Variants in ARMC3 observed in about 807,000 individuals in gnomAD.
ARMC3 encodes the protein armadillo repeat containing 3.
Under a neutral mutation model 90.3 loss-of-function variants are expected in ARMC3, and 74 were observed. The ratio of observed to expected loss-of-function variants is 0.82; its 90% CI spans 0.68 to 0.99. The LOEUF (loss-of-function observed/expected upper bound fraction) is 0.99. Ranked by LOEUF, ARMC3 falls within the 50% of genes least tolerant of loss-of-function variation. The pLI is 0.00. For synonymous variants in ARMC3, 334 were observed against 361.8 expected (o/e 0.92, Z 0.87); for missense variants, 958 against 1,042.8 (o/e 0.92, Z 1.12).
rs184336208 is a variant in ARMC3 at position 23,005,200 on chromosome 10, T to A, written c.1732-1684T>A. 2.4e-4 allele frequency among the ~76,000 whole-genome samples: 27 copies of A among 112,830 alleles called. No homozygotes were observed. The Admixed American group carries it at 2.9e-3, about 12-fold the overall frequency. 74.0% of individuals were successfully genotyped at this position (112,830 alleles called of 152,430 possible). ...TGCACTCCAGCCTGGGCGACAGAGCTAGACTCGTCTCAAAAAAAAAAAAAA... is the reference window on the plus strand; with the variant it reads ...TGCACTCCAGCCTGGGCGACAGAGCAAGACTCGTCTCAAAAAAAAAAAAAA... On this transcript the variant is annotated intron_variant, in intron 13 of 18. Transcript: ENST00000298032.
chr10:22,991,178 C>T (rs542588176), intron 10 of ARMC3, among the ~76,000 whole-genome samples: 17 of 152,212 alleles, frequency 1.1e-4, no homozygotes, highest in African/African-American at 3.1e-4. Flanking sequence ...TTTGTTTTTC[C>T]GGTCTCTGTT....
chr10:23,034,426 A>G (rs1839045059), intron 18 of ARMC3, among the ~76,000 whole-genome samples: 1 of 152,224 alleles, frequency 6.6e-6, no homozygotes, highest in Non-Finnish European at 1.5e-5. Flanking sequence ...TGCCAAATAT[A>G]GAAATGACTA....
At chr10:22,986,778 A>G (rs1286614781) in intron 10 of ARMC3, among the ~76,000 whole-genome samples, 1 of 152,122 alleles carries the variant, frequency 6.6e-6, no homozygotes, top group Admixed American at 6.5e-5. Context: ...GCTTCCCTAT[A>G]AGAGCCTCCT....
intron 12 of ARMC3, 60 bp from the exon 13 acceptor site, chr10:23,003,186 G>A: frequency 2.7e-6 from 4 of 1,483,576 alleles, no homozygotes; most frequent in Non-Finnish European, 3.6e-6. Flanking sequence ...GTATATAAGT[G>A]GAGACTCAGT....
Position 22,962,061 on chromosome 10 carries a change from A to G in ARMC3, c.715A>G (p.Lys239Glu). The change falls in exon 7 of 19, where the codon AAG (lysine) becomes GAG (glutamate). Residue 239 changes from lysine (K) to glutamate (E), a missense_variant. Physicochemically the swap from Lys to Glu is moderately conservative, Grantham distance 56. Transcript: ENST00000298032. ...RDNQGLDHLI[K>E]ILETKELNDL... ...CAATCAAGGATTGGACCATCTTATTAAGATCCTAGAAACTAAGGTATTTAG... is the reference window on the plus strand; with the variant it reads ...CAATCAAGGATTGGACCATCTTATTGAGATCCTAGAAACTAAGGTATTTAG... 6.4e-7 allele frequency: 1 copy of G among 1,571,710 alleles called. No individual in the cohort carries two copies. The highest frequency in any genetic ancestry group is 1.2e-5 in the South Asian group (1 of 84,284).
At chr10:22,999,548 C>T (rs937946654) in intron 11 of ARMC3, among the ~76,000 whole-genome samples, 8 of 152,182 alleles carry the variant, frequency 5.3e-5, no homozygotes, top group African/African-American at 1.7e-4. Flanking sequence ...ACAAAACCAA[C>T]GTTTATTTGG....
At chr10:23,001,778 A>T in intron 11 of ARMC3, 141 bp from the exon 12 acceptor site, 1 of 1,089,532 alleles carries the variant, frequency 9.2e-7, no homozygotes, top group Non-Finnish European at 1.3e-6. Context: ...CCCTGAATTT[A>T]ATAAACCTAA....
At position 23,003,349 on chromosome 10, in the gene ARMC3, T is replaced by C; in HGVS notation, c.1666T>C (p.Tyr556His). 1 of 1,613,252 alleles carries C rather than the reference T, an allele frequency of 6.2e-7. No homozygotes were observed. Residue 556 changes from tyrosine to histidine, a missense_variant, in exon 13 of 19, where the codon TAC becomes CAC. Tyr to His is a moderately conservative substitution (Grantham distance 83). Coordinates refer to ENST00000298032, the MANE Select transcript of ARMC3 (RefSeq NM_173081.5). The part of the protein sequence containing the change: ...KLLNNNLSLK[Y>H]SQTGYLSSSN... ...GCTCAATAACAATCTTTCCCTGAAA[T>C]ACAGCCAGACTGGCTATTTGTCATC...
At chr10:22,946,328 C>A in intron 3 of ARMC3, 67 bp downstream of exon 3, 2 of 1,070,258 alleles carry the variant, frequency 1.9e-6, no homozygotes, top group South Asian at 1.4e-5. Flanking sequence ...ACCTCTTGGG[C>A]ACTTTTCTTC....
rs374842103 is a variant in ARMC3, at chr10:22,972,507, T to TA, written c.916+4019dup. Among the ~76,000 whole-genome samples the TA allele has an allele frequency of 3.7e-3, 557 of 152,352 alleles. 6 individuals are homozygous for TA. Among genetic ancestry groups the TA allele is most frequent in the African/African-American group, 0.012 (491 of 41,580 alleles). On this transcript the variant is annotated intron_variant, in intron 8 of 18. Transcript: ENST00000298032. ...TCTGGCACTTAATGTTTTCTGATTC[T>TA]ACTTCCTTTTGTTAGTTCTAAAATA...
intron 11 of ARMC3, among the ~76,000 whole-genome samples, chr10:22,999,134 A>G (rs1436510477): frequency 1.3e-5 from 2 of 150,762 alleles, no homozygotes; most frequent in African/African-American, 2.5e-5. Flanking sequence ...GGGTTATTAT[A>G]TGTACTCTTG....
intron 1 of ARMC3, among the ~76,000 whole-genome samples, chr10:22,928,976 C>T (rs1318836453): frequency 6.6e-6 from 1 of 152,174 alleles, no homozygotes; most frequent in African/African-American, 2.4e-5. Context: ...CCTACAACCC[C>T]AGCACTTTGG....
At chr10:23,032,262 G>C (rs1299090456) in intron 17 of ARMC3, among the ~76,000 whole-genome samples, 1 of 152,102 alleles carries the variant, frequency 6.6e-6, no homozygotes, top group African/African-American at 2.4e-5. Flanking sequence ...CTTGCCCACA[G>C]ATCTGTGACT....
intron 8 of ARMC3, among the ~76,000 whole-genome samples, chr10:22,969,108 C>T (rs1022023230): frequency 3.9e-5 from 6 of 152,102 alleles, no homozygotes; most frequent in African/African-American, 9.7e-5. Flanking sequence ...TTGAAGAAAT[C>T]CACATTCACA....
At chr10:22,954,002 G>A (rs1274427132) in intron 3 of ARMC3, among the ~76,000 whole-genome samples, 1 of 152,158 alleles carries the variant, frequency 6.6e-6, no homozygotes, top group Non-Finnish European at 1.5e-5. Flanking sequence ...GAGGGTTCCA[G>A]TTTCTCTCTA....
At chr10:22,964,228 A>G (rs528529637) in intron 7 of ARMC3, among the ~76,000 whole-genome samples, 9 of 152,308 alleles carry the variant, frequency 5.9e-5, no homozygotes, top group South Asian at 2.1e-4. Context: ...CTATACACTG[A>G]AAAATATAAA....
chr10:23,000,388 G>A (rs1333033678), intron 11 of ARMC3, among the ~76,000 whole-genome samples: 13 of 152,028 alleles, frequency 8.6e-5, no homozygotes, highest in Admixed American at 8.5e-4. Context: ...TTTCAAACTA[G>A]GGTACATCTT....
chr10:22,981,526 T>G, intron 9 of ARMC3, 34 bp downstream of exon 9: 1 of 1,613,448 alleles, frequency 6.2e-7, no homozygotes, highest in Non-Finnish European at 8.5e-7. Flanking sequence ...TTTGAGCATT[T>G]TTAGGTTACC....
chr10:23,013,985 C>A, intron 16 of ARMC3: 2 of 1,180,582 alleles, frequency 1.7e-6, no homozygotes, highest in Non-Finnish European at 2.4e-6. Context: ...TTGAAAGGAA[C>A]AGATGTTTGA....
Sources: gnomAD v4.1 joint callset for allele counts (sites outside exome capture counted in the v4.1 genomes callset) on GRCh38, gnomAD v4.1.1 for gene constraint, MANE v1.5 for transcripts, NCBI Gene and HGNC (gene_info 2026-07-23, HGNC 2026-07-21) for gene names.